ATRNL1: variants seen among roughly 807,000 people sequenced by gnomAD.
ATRNL1 encodes attractin like 1.
A neutral mutation model predicts 182.7 loss-of-function variants in ATRNL1; 95 were observed. That is an observed-to-expected ratio of 0.52 (90% CI 0.44 to 0.62). ATRNL1 has a LOEUF of 0.62. Among genes scored for constraint, ATRNL1 ranks in the 20% least tolerant of loss-of-function variants. ATRNL1 has a pLI of 0.00. For missense variants in ATRNL1, 1,471 were observed against 1,679.5 expected (o/e 0.88, Z 2.17); for synonymous variants, 576 against 568.3 (o/e 1.01, Z -0.19).
At chr10:115,142,192 G>T (rs565494307) in intron 5 of ATRNL1, among the ~76,000 whole-genome samples, 1 of 152,078 alleles carries the variant, frequency 6.6e-6, no homozygotes, top group South Asian at 2.1e-4. Flanking sequence ...AAGATCTGGG[G>T]GTTACATTTA....
chr10:115,130,709 G>A (rs575153575), intron 5 of ATRNL1, among the ~76,000 whole-genome samples: 68 of 152,126 alleles, frequency 4.5e-4, no homozygotes, highest in African/African-American at 1.4e-3. Flanking sequence ...GCCTTGAGAT[G>A]TAATTTTATT....
At chr10:115,369,255 G>A (rs909391937) in intron 19 of ATRNL1, among the ~76,000 whole-genome samples, 1 of 142,650 alleles carries the variant, frequency 7.0e-6, no homozygotes, top group African/African-American at 2.6e-5. Flanking sequence ...GAGGATAGGG[G>A]TTGTGTGAGG....
chr10:115,522,149 T>G (rs575259701), intron 25 of ATRNL1, among the ~76,000 whole-genome samples: 107 of 152,326 alleles, frequency 7.0e-4, no homozygotes, highest in African/African-American at 2.5e-3. Flanking sequence ...TATGCCATCT[T>G]AAGTAGGTCA....
chr10:115,287,791 C>T (rs149123624), intron 15 of ATRNL1, among the ~76,000 whole-genome samples: 3 of 152,058 alleles, frequency 2.0e-5, no homozygotes, highest in Admixed American at 6.6e-5. Flanking sequence ...TATTATAGAA[C>T]ATTAGAACTT....
intron 26 of ATRNL1, among the ~76,000 whole-genome samples, chr10:115,713,722 A>G (rs1373822325): frequency 1.4e-5 from 2 of 141,964 alleles, no homozygotes; most frequent in African/African-American, 2.6e-5. Context: ...CTATCTATCT[A>G]TCTATCTATC....
At chr10:115,363,573 T>C (rs1338841905) in intron 19 of ATRNL1, among the ~76,000 whole-genome samples, 2 of 148,984 alleles carry the variant, frequency 1.3e-5, no homozygotes, top group East Asian at 3.9e-4. Context: ...TTTTGGTGTT[T>C]TGGACATGAA....
In ATRNL1 at chr10:115,480,207, A is replaced by AACACACACACACACACACACAC. The variant is rs72119794; in HGVS notation, c.3654+10886_3654+10907dup. Among the ~76,000 whole-genome samples, 100 of 146,744 alleles carry AACACACACACACACACACACAC rather than the reference A, an allele frequency of 6.8e-4. 1 individual carries two copies. Among genetic ancestry groups the AACACACACACACACACACACAC allele is most frequent in the African/African-American group, 2.4e-3 (97 of 40,308 alleles). On this transcript the variant is annotated intron_variant, in intron 24 of 28. Transcript: ENST00000355044. ...ATTTTCAACATAGATGAGTCATTTG[A>AACACACACACACACACACACAC]ACACACACACACACACACACACACA...
chr10:115,524,888 GAGTCAATTAGGCCCTCATGTCTAATGGT>G (rs1851130162), intron 25 of ATRNL1, among the ~76,000 whole-genome samples: 2 of 152,266 alleles, frequency 1.3e-5, no homozygotes, highest in South Asian at 2.1e-4. Flanking sequence ...TGTCTAATGG[GAGTCAATTAGGCCCTCATGTCTAATGGT>G]AGTCAAAATG....
In ATRNL1 at chr10:115,899,591, A is replaced by G. The variant is rs539105002; in HGVS notation, c.4019-45067A>G. ...CCAAAGTGCCGGGATTACAGGCCTG[A>G]ACCACTGTGCCAGGCCCATTATATG... On this transcript the variant is annotated intron_variant, in intron 28 of 28. Transcript: ENST00000355044. Among the ~76,000 whole-genome samples, 5 of 152,302 alleles carry G rather than the reference A, an allele frequency of 3.3e-5. No homozygotes were observed. In the South Asian group the frequency reaches 1.0e-3, roughly 32 times the overall value.
At chr10:115,531,053 G>A (rs1370873836) in intron 25 of ATRNL1, among the ~76,000 whole-genome samples, 1 of 152,002 alleles carries the variant, frequency 6.6e-6, no homozygotes, top group Non-Finnish European at 1.5e-5. Context: ...TTGGTTCCAA[G>A]TCTTTGCTAT....
chr10:115,172,458 A>T (rs1225768805), intron 8 of ATRNL1, among the ~76,000 whole-genome samples: 2 of 152,002 alleles, frequency 1.3e-5, no homozygotes, highest in Non-Finnish European at 2.9e-5. Context: ...TGTTGTAAAT[A>T]TGCACTTAAG....
At chr10:115,557,879 T>C (rs1322912255) in intron 26 of ATRNL1, among the ~76,000 whole-genome samples, 1 of 151,980 alleles carries the variant, frequency 6.6e-6, no homozygotes, top group East Asian at 1.9e-4. Flanking sequence ...ACCCCATCTC[T>C]GCTAAAAATA....
At chr10:115,633,174 G>A (rs542415356) in intron 26 of ATRNL1, among the ~76,000 whole-genome samples, 1 of 152,192 alleles carries the variant, frequency 6.6e-6, no homozygotes, top group African/African-American at 2.4e-5. Flanking sequence ...GCCACCCAAA[G>A]TGCTGGGATT....
chr10:115,607,917 T>G (rs1555017992), intron 26 of ATRNL1, among the ~76,000 whole-genome samples: 1 of 151,972 alleles, frequency 6.6e-6, no homozygotes, highest in African/African-American at 2.4e-5. Flanking sequence ...CTGGAAATAT[T>G]TTCTCAGATT....
intron 10 of ATRNL1, among the ~76,000 whole-genome samples, chr10:115,252,468 C>T (rs79914336): frequency 5.9e-5 from 9 of 152,318 alleles, no homozygotes; most frequent in Middle Eastern, 6.8e-3. Flanking sequence ...TTCTGCCCTG[C>T]GCCACAGGTC....
At chr10:115,620,730 G>T (rs1857685027) in intron 26 of ATRNL1, among the ~76,000 whole-genome samples, 1 of 152,088 alleles carries the variant, frequency 6.6e-6, no homozygotes, top group African/African-American at 2.4e-5. Flanking sequence ...AATTTATTAA[G>T]GTATTTCTGA....
chr10:115,644,101 A>G (rs1029124003), intron 26 of ATRNL1, among the ~76,000 whole-genome samples: 9 of 152,154 alleles, frequency 5.9e-5, no homozygotes, highest in African/African-American at 2.2e-4. Context: ...AAAGTGTAGT[A>G]TGTTTACACA....
At chr10:115,270,578 C>G (rs1851817708) in intron 13 of ATRNL1, among the ~76,000 whole-genome samples, 1 of 151,728 alleles carries the variant, frequency 6.6e-6, no homozygotes, top group South Asian at 2.1e-4. Flanking sequence ...AAATTCTACT[C>G]TACGTATGGA....
At chr10:115,294,369 T>C (rs1554921931) in intron 15 of ATRNL1, among the ~76,000 whole-genome samples, 1 of 152,196 alleles carries the variant, frequency 6.6e-6, no homozygotes, top group African/African-American at 2.4e-5. Flanking sequence ...GTCAAGTCTG[T>C]GGTTGAAGCT....
Sources: gnomAD v4.1 joint callset for allele counts (sites outside exome capture counted in the v4.1 genomes callset) on GRCh38, gnomAD v4.1.1 for gene constraint, MANE v1.5 for transcripts, NCBI Gene and HGNC (gene_info 2026-07-23, HGNC 2026-07-21) for gene names.